The following CCSER1 variants were observed in gnomAD, a reference collection of about 807,000 sequenced individuals.
The protein encoded by CCSER1 is serine-rich coiled-coil domain-containing protein 1.
A neutral mutation model predicts 82.0 loss-of-function variants in CCSER1; 41 were observed. The observed-to-expected ratio is 0.50, with a 90% CI of 0.39 to 0.65. The LOEUF (loss-of-function observed/expected upper bound fraction) is 0.65, where lower values mean the gene tolerates loss of function less well. Ranked by LOEUF, CCSER1 falls within the 30% of genes least tolerant of loss-of-function variation. CCSER1 has a pLI of 0.00. For missense variants in CCSER1, 1,119 were observed against 1,064.2 expected (o/e 1.05, Z -0.72); for synonymous variants, 414 against 383.9 (o/e 1.08, Z -0.92).
intron 5 of CCSER1, among the ~76,000 whole-genome samples, chr4:90,508,444 A>T (rs1771019159): frequency 6.6e-6 from 1 of 151,850 alleles, no homozygotes; most frequent in African/African-American, 2.4e-5. Flanking sequence ...TGCTCACATG[A>T]GGTTTCTTCC....
chr4:91,564,630 T>C (rs1762798559), intron 10 of CCSER1, among the ~76,000 whole-genome samples: 1 of 152,072 alleles, frequency 6.6e-6, no homozygotes, highest in Admixed American at 6.6e-5. Flanking sequence ...TTGATTTGCA[T>C]TTCTCTAATC....
At chr4:91,262,489 G>A (rs1431663871) in intron 10 of CCSER1, among the ~76,000 whole-genome samples, 3 of 151,902 alleles carry the variant, frequency 2.0e-5, no homozygotes, top group Non-Finnish European at 4.4e-5. Flanking sequence ...AATACTCATA[G>A]ATACTCAATG....
intron 10 of CCSER1, among the ~76,000 whole-genome samples, chr4:91,335,241 A>AATG (rs1747238129): frequency 6.6e-6 from 1 of 151,932 alleles, no homozygotes; most frequent in Non-Finnish European, 1.5e-5. Context: ...CTGAGGGCAA[A>AATG]ATGTATTTTC....
At chr4:91,297,918 G>A (rs779698145) in intron 10 of CCSER1, among the ~76,000 whole-genome samples, 8 of 151,944 alleles carry the variant, frequency 5.3e-5, no homozygotes, top group East Asian at 1.9e-4. Flanking sequence ...CTTGAAAGAC[G>A]TGCATGAGAA....
At chr4:90,484,591 G>T (rs1766672428) in intron 5 of CCSER1, among the ~76,000 whole-genome samples, 1 of 152,176 alleles carries the variant, frequency 6.6e-6, no homozygotes, top group Admixed American at 6.5e-5. Context: ...CCTTCTAACA[G>T]TCAGGACCCT....
chr4:90,575,739 T>G (rs1471292678), intron 5 of CCSER1, among the ~76,000 whole-genome samples: 2 of 152,244 alleles, frequency 1.3e-5, no homozygotes, highest in Admixed American at 1.3e-4. Context: ...TCTATTCTTG[T>G]GTGTTTGTAA....
At chr4:91,049,492 A>C (rs1742812718) in intron 9 of CCSER1, among the ~76,000 whole-genome samples, 1 of 152,230 alleles carries the variant, frequency 6.6e-6, no homozygotes, top group Non-Finnish European at 1.5e-5. Flanking sequence ...AAATATGAAA[A>C]GGAAGATTTT....
chr4:90,978,382 T>C (rs1234504329), intron 9 of CCSER1, among the ~76,000 whole-genome samples: 2 of 151,604 alleles, frequency 1.3e-5, no homozygotes, highest in African/African-American at 4.8e-5. Context: ...CTATAAACAA[T>C]GGTTTGCAGT....
chr4:91,217,905 C>T (rs1281672440), intron 10 of CCSER1, among the ~76,000 whole-genome samples: 5 of 152,228 alleles, frequency 3.3e-5, no homozygotes, highest in African/African-American at 1.2e-4. Flanking sequence ...CAGCTGGCTT[C>T]ACCTAGTGGA....
At chr4:91,578,395 G>A (rs959392932) in intron 10 of CCSER1, among the ~76,000 whole-genome samples, 1 of 151,856 alleles carries the variant, frequency 6.6e-6, no homozygotes, top group Non-Finnish European at 1.5e-5. Flanking sequence ...CAGAATATAT[G>A]TACTTAATAA....
chr4:91,390,512 A>C (rs766994697), intron 10 of CCSER1, among the ~76,000 whole-genome samples: 1 of 151,802 alleles, frequency 6.6e-6, no homozygotes, highest in Non-Finnish European at 1.5e-5. Flanking sequence ...TTTTCAATGC[A>C]TTTGTCTGAT....
chr4:90,763,554 A>G (rs1561091787), intron 7 of CCSER1, among the ~76,000 whole-genome samples: 1 of 152,144 alleles, frequency 6.6e-6, no homozygotes, highest in Admixed American at 6.6e-5. Context: ...TTTACAAACA[A>G]TGTATCCATT....
At chr4:91,180,964 T>G (rs948087305) in intron 10 of CCSER1, among the ~76,000 whole-genome samples, 2 of 152,362 alleles carry the variant, frequency 1.3e-5, no homozygotes, top group African/African-American at 2.4e-5. Context: ...AGCAGGAGCA[T>G]GTCCTTAAGG....
chr4:91,392,164 A>C (rs1430131508), intron 10 of CCSER1, among the ~76,000 whole-genome samples: 1 of 152,132 alleles, frequency 6.6e-6, no homozygotes, highest in African/African-American at 2.4e-5. Flanking sequence ...TCTCAGGGTA[A>C]AAGTATTTTA....
chr4:90,147,449 G>T (rs1726024643), intron 1 of CCSER1, among the ~76,000 whole-genome samples: 2 of 151,976 alleles, frequency 1.3e-5, no homozygotes, highest in Non-Finnish European at 2.9e-5. Context: ...AATTGTTTCT[G>T]GTTTATTAAA....
intron 8 of CCSER1, among the ~76,000 whole-genome samples, chr4:90,897,340 A>G (rs2150134606): frequency 6.6e-6 from 1 of 151,912 alleles, no homozygotes; most frequent in Non-Finnish European, 1.5e-5. Flanking sequence ...CTTTATATCC[A>G]TGTGTACCCC....
At chr4:90,998,711 T>C (rs1339271516) in intron 9 of CCSER1, among the ~76,000 whole-genome samples, 1 of 131,876 alleles carries the variant, frequency 7.6e-6, no homozygotes, top group African/African-American at 2.8e-5. Flanking sequence ...AAATCTAATT[T>C]AGCATTACAC....
At chr4:91,149,104 C>T (rs1424212545) in intron 10 of CCSER1, among the ~76,000 whole-genome samples, 3 of 152,144 alleles carry the variant, frequency 2.0e-5, no homozygotes, top group East Asian at 3.9e-4. Context: ...ACCAACAGTG[C>T]AAAAGTGTTC....
At chr4:91,412,424 T>C (rs1753108257) in intron 10 of CCSER1, among the ~76,000 whole-genome samples, 1 of 151,994 alleles carries the variant, frequency 6.6e-6, no homozygotes, top group South Asian at 2.1e-4. Flanking sequence ...AAGTGGAATC[T>C]CTTCCAGAAA....
Sources: allele counts gnomAD v4.1 joint callset (sites outside exome capture counted in the v4.1 genomes callset), GRCh38; gene constraint gnomAD v4.1.1; transcripts MANE v1.5; gene names NCBI Gene and HGNC (gene_info 2026-07-23, HGNC 2026-07-21).